COL26A1: variants seen among roughly 807,000 people sequenced by gnomAD.
COL26A1 encodes the protein collagen type XXVI alpha 1 chain.
A neutral mutation model predicts 59.3 loss-of-function variants in COL26A1; 41 were observed. The ratio of observed to expected loss-of-function variants is 0.69; its 90% CI spans 0.54 to 0.90. The LOEUF is 0.90. COL26A1 is among the 40% of genes least tolerant of loss of function. The pLI is 0.00. For synonymous variants in COL26A1, 266 were observed against 256.0 expected (o/e 1.04, Z -0.37); for missense variants, 612 against 602.3 (o/e 1.02, Z -0.17).
chr7:101,386,713 A>T (rs956519079), intron 1 of COL26A1, among the ~76,000 whole-genome samples: 22 of 152,178 alleles, frequency 1.4e-4, no homozygotes, highest in Non-Finnish European at 4.4e-5. Context: ...AGTCCAACTC[A>T]CGCAGGAGCT....
intron 3 of COL26A1, among the ~76,000 whole-genome samples, chr7:101,489,837 T>TCTTTCTTTCTTTCTTC (rs1794400015): frequency 5.0e-5 from 1 of 19,950 alleles, no homozygotes; most frequent in Non-Finnish European, 7.9e-5. Flanking sequence ...TTTCTTTCTT[T>TCTTTCTTTCTTTCTTC]CTTTCTTTCT....
Position 101,523,184 on chromosome 7 carries a change from C to T in COL26A1, c.386-9898C>T, listed in dbSNP as rs571957969. Among the ~76,000 whole-genome samples the T allele has an allele frequency of 1.5e-4, 23 of 152,198 alleles. 1 individual carries two copies. Among genetic ancestry groups the T allele is most frequent in the Middle Eastern group, 3.4e-3 (1 of 294 alleles). ...TCCCGGGTTCAAGCCATTCTCCTGC[C>T]TCAGTCTCCCGAGTAGCTGGGATTA... On this transcript the variant is annotated intron_variant, in intron 3 of 12. Coordinates refer to ENST00000313669, the MANE Select transcript of COL26A1 (RefSeq NM_001278563.3).
intron 2 of COL26A1, among the ~76,000 whole-genome samples, chr7:101,441,779 G>A (rs916190236): frequency 2.0e-5 from 3 of 152,104 alleles, no homozygotes; most frequent in Admixed American, 6.6e-5. Flanking sequence ...TCAGCAGCCC[G>A]GACTCTCTCC....
At chr7:101,455,321 G>A (rs922820648) in intron 3 of COL26A1, among the ~76,000 whole-genome samples, 1 of 152,116 alleles carries the variant, frequency 6.6e-6, no homozygotes, top group East Asian at 1.9e-4. Context: ...TGGGATTACA[G>A]GCATGAGCCA....
chr7:101,388,659 G>A (rs1467799641), intron 1 of COL26A1, among the ~76,000 whole-genome samples: 2 of 151,506 alleles, frequency 1.3e-5, no homozygotes, highest in East Asian at 2.0e-4. Flanking sequence ...CACCTGCCAG[G>A]TTCAAGCAAT....
intron 10 of COL26A1, among the ~76,000 whole-genome samples, chr7:101,552,821 C>A (rs529909000): frequency 7.2e-5 from 11 of 152,180 alleles, no homozygotes; most frequent in African/African-American, 2.4e-4. Context: ...GCAGGAGAAT[C>A]GCTTGAACAC....
At position 101,378,528 on chromosome 7, in the gene COL26A1, A is replaced by C. The variant is rs1401982463; in HGVS notation, c.158+15338A>C. On this transcript the variant is annotated intron_variant, in intron 1 of 12. Coordinates refer to ENST00000313669, the MANE Select transcript of COL26A1 (RefSeq NM_001278563.3). The stretch of plus-strand genomic sequence containing the variant: ...CAGAGCAAGACTCCATCTAAAACAA[A>C]AAAAATTTTTTTTTGTACAGACAGT... Among the ~76,000 whole-genome samples the C allele has an allele frequency of 2.0e-5, 3 of 152,020 alleles. No homozygotes were observed. The East Asian group carries it at 5.8e-4, about 29-fold the overall frequency.
chr7:101,506,731 A>G (rs1380472310), intron 3 of COL26A1, among the ~76,000 whole-genome samples: 3 of 152,226 alleles, frequency 2.0e-5, no homozygotes, highest in Non-Finnish European at 4.4e-5. Flanking sequence ...ATTTCTCATA[A>G]CAGCTCTGCA....
intron 1 of COL26A1, among the ~76,000 whole-genome samples, chr7:101,406,672 C>T (rs1584380120): frequency 3.3e-5 from 5 of 152,130 alleles, no homozygotes; most frequent in African/African-American, 7.2e-5. Flanking sequence ...ATGTGTTGGC[C>T]GGGTGCAGTG....
intron 3 of COL26A1, among the ~76,000 whole-genome samples, chr7:101,503,089 A>G (rs935008272): frequency 3.9e-5 from 6 of 152,080 alleles, no homozygotes; most frequent in Non-Finnish European, 7.4e-5. Flanking sequence ...TCATATACGC[A>G]GTTACTCCTG....
At chr7:101,406,640 T>C (rs545245091) in intron 1 of COL26A1, among the ~76,000 whole-genome samples, 3 of 152,260 alleles carry the variant, frequency 2.0e-5, no homozygotes, top group Admixed American at 6.5e-5. Flanking sequence ...CCACTCTGAG[T>C]TCCCTTCTTT....
chr7:101,544,157 TCTA>T, intron 6 of COL26A1, 61 bp downstream of exon 6: 1 of 1,346,296 alleles, frequency 7.4e-7, no homozygotes, highest in East Asian at 2.5e-5. Context: ...GGCTTTCTTC[TCTA>T]CTGGAACAGG....
intron 3 of COL26A1, among the ~76,000 whole-genome samples, chr7:101,517,891 A>C (rs964146968): frequency 2.2e-5 from 3 of 136,280 alleles, no homozygotes; most frequent in Non-Finnish European, 4.5e-5. Context: ...ATAGCTCACT[A>C]CAGCTTCGAA....
intron 1 of COL26A1, among the ~76,000 whole-genome samples, chr7:101,383,417 AGTAC>A (rs1295950801): frequency 6.6e-6 from 1 of 151,450 alleles, no homozygotes; most frequent in Non-Finnish European, 1.5e-5. Context: ...CCCAGGCTGG[AGTAC>A]AATGGCACGA....
intron 3 of COL26A1, among the ~76,000 whole-genome samples, chr7:101,469,643 C>T (rs1198390768): frequency 6.6e-6 from 1 of 152,100 alleles, no homozygotes; most frequent in Non-Finnish European, 1.5e-5. Flanking sequence ...GCGTGTGCCA[C>T]CATACTCAGC....
chr7:101,522,239 C>A (rs1251813214), intron 3 of COL26A1, among the ~76,000 whole-genome samples: 1 of 152,200 alleles, frequency 6.6e-6, no homozygotes. Flanking sequence ...TCCTTGACCA[C>A]TCCAAGGGAA....
intron 1 of COL26A1, among the ~76,000 whole-genome samples, chr7:101,390,907 G>A (rs964145016): frequency 4.6e-5 from 7 of 152,164 alleles, no homozygotes; most frequent in Middle Eastern, 3.2e-3. Flanking sequence ...TGGGCCTCCC[G>A]GGGACCTCAG....
At position 101,363,303 on chromosome 7, in the gene COL26A1, G is replaced by A. The variant is rs1227813183; in HGVS notation, c.158+113G>A. On this transcript the variant is annotated intron_variant, in intron 1 of 12. Coordinates refer to ENST00000313669, the MANE Select transcript of COL26A1 (RefSeq NM_001278563.3). ...TGGGGGCTGGAGAGCGGGGCGATCC[G>A]GGACTTGGGGGCGCAGGGCAGCGGG... 7 of 907,688 alleles carry A rather than the reference G, an allele frequency of 7.7e-6. No homozygotes were observed. The African/African-American group carries it at 9.2e-5, about 12-fold the overall frequency. 56.2% of individuals were successfully genotyped at this position (907,688 alleles called of 1,614,324 possible).
chr7:101,520,669 T>A (rs1795125819), intron 3 of COL26A1, among the ~76,000 whole-genome samples: 1 of 88,574 alleles, frequency 1.1e-5, no homozygotes. Flanking sequence ...CACACCCCCG[T>A]GTTCTTGCAT....
Sources: allele counts gnomAD v4.1 joint callset (sites outside exome capture counted in the v4.1 genomes callset), GRCh38; gene constraint gnomAD v4.1.1; transcripts MANE v1.5; gene names NCBI Gene and HGNC (gene_info 2026-07-23, HGNC 2026-07-21).